Variants in UBE2R2 observed in about 807,000 individuals in gnomAD.
The protein encoded by UBE2R2 is ubiquitin-conjugating enzyme E2 R2.
In UBE2R2, 1 loss-of-function variant was observed where a neutral mutation model predicts 27.8. The observed-to-expected ratio is 0.04, with a 90% confidence interval of 0.01 to 0.17. UBE2R2 has a LOEUF of 0.17. Ranked by LOEUF, UBE2R2 falls within the 10% of genes least tolerant of loss-of-function variation. UBE2R2 has a pLI of 1.00. For missense variants in UBE2R2, 100 were observed against 291.0 expected, an observed-to-expected ratio of 0.34 and a Z score of 4.78; for synonymous variants, 106 against 113.3, an observed-to-expected ratio of 0.94 and a Z score of 0.41.
At chr9:33,881,296 A>G (rs1247963152) in intron 1 of UBE2R2, among the ~76,000 whole-genome samples, 2 of 152,198 alleles carry the variant, frequency 1.3e-5, no homozygotes, top group Admixed American at 6.5e-5. Flanking sequence ...TTTCTGCACT[A>G]ATGTATTAAT....
intron 1 of UBE2R2, among the ~76,000 whole-genome samples, chr9:33,836,571 C>G (rs920846681): frequency 6.6e-6 from 1 of 152,004 alleles, no homozygotes; most frequent in Non-Finnish European, 1.5e-5. Flanking sequence ...TCCTGGCCAA[C>G]ATGGCAAAGC....
At chr9:33,860,712 G>T (rs1821210433) in intron 1 of UBE2R2, among the ~76,000 whole-genome samples, 1 of 151,994 alleles carries the variant, frequency 6.6e-6, no homozygotes, top group South Asian at 2.1e-4. Context: ...GCCAGCCTGG[G>T]CAACATAGTG....
At chr9:33,845,484 G>A (rs1352178283) in intron 1 of UBE2R2, among the ~76,000 whole-genome samples, 2 of 151,542 alleles carry the variant, frequency 1.3e-5, no homozygotes, top group African/African-American at 2.4e-5. Context: ...TCCTGACCTC[G>A]TGATCTGCCC....
chr9:33,840,187 G>A (rs1297437854), intron 1 of UBE2R2, among the ~76,000 whole-genome samples: 2 of 151,832 alleles, frequency 1.3e-5, no homozygotes, highest in Non-Finnish European at 1.5e-5. Flanking sequence ...AAAATAAGGC[G>A]AATATCCATA....
chr9:33,918,978 T>G lies in UBE2R2; in HGVS notation c.*1741T>G, dbSNP rs945710524. On this transcript the variant is annotated 3_prime_UTR_variant, in exon 5 of 5. Coordinates refer to ENST00000263228, the MANE Select transcript of UBE2R2 (RefSeq NM_017811.4). ...TCTAAAGTTTGGTCCCAGCAGCCCT[T>G]CCCAGCCTCTAAAGTTTGGTCTGGT... is the stretch of plus-strand genomic sequence containing the variant. The G allele has an allele frequency of 6.5e-6, 1 of 152,770 alleles. No individual in the cohort carries two copies. Among genetic ancestry groups the G allele is most frequent in the African/African-American group, 2.4e-5 (1 of 41,440 alleles). The allele number at this position is 152,770 out of a possible 1,614,324, so 9.5% of individuals were successfully genotyped here.
intron 3 of UBE2R2, among the ~76,000 whole-genome samples, chr9:33,905,909 C>A (rs1822343358): frequency 6.6e-6 from 1 of 152,112 alleles, no homozygotes; most frequent in Admixed American, 6.6e-5. Context: ...TAACAGTATG[C>A]AGGATTTAGG....
intron 1 of UBE2R2, among the ~76,000 whole-genome samples, chr9:33,872,300 G>A (rs891554895): frequency 3.3e-5 from 5 of 152,028 alleles, no homozygotes; most frequent in Admixed American, 2.6e-4. Flanking sequence ...GGCTGAGGCA[G>A]GAGATTCACT....
At chr9:33,895,090 T>G (rs904494348) in intron 2 of UBE2R2, among the ~76,000 whole-genome samples, 1 of 152,248 alleles carries the variant, frequency 6.6e-6, no homozygotes, top group Non-Finnish European at 1.5e-5. Flanking sequence ...AGATATATGA[T>G]TTGCAAATGT....
intron 2 of UBE2R2, among the ~76,000 whole-genome samples, chr9:33,898,666 G>A (rs543843201): frequency 6.6e-6 from 1 of 152,278 alleles, no homozygotes; most frequent in South Asian, 2.1e-4. Context: ...GAGGTGTGAG[G>A]ATCACTTGAG....
intron 1 of UBE2R2, among the ~76,000 whole-genome samples, chr9:33,828,172 C>T (rs1296330426): frequency 2.6e-5 from 4 of 151,004 alleles, no homozygotes; most frequent in South Asian, 2.1e-4. Context: ...TGTGGTAGCA[C>T]GCGCCTATAA....
Position 33,916,485 on chromosome 9 carries a change from A to G in UBE2R2, c.498-533A>G, listed in dbSNP as rs939142161. On this transcript the variant is annotated intron_variant, in intron 4 of 4. Coordinates refer to ENST00000263228, the MANE Select transcript of UBE2R2 (RefSeq NM_017811.4). ...GGTGAGGTGACTAGGCCAAAACCCT[A>G]GCCAATCCCCTAAGCACCCCACCCC... Among the ~76,000 whole-genome samples, 8 of 152,162 alleles carry G rather than the reference A, an allele frequency of 5.3e-5. No individual in the cohort carries two copies. The South Asian group carries it at 1.7e-3, about 32-fold the overall frequency.
chr9:33,914,925 C>T (rs1457326160), intron 4 of UBE2R2, among the ~76,000 whole-genome samples: 1 of 151,804 alleles, frequency 6.6e-6, no homozygotes, highest in Non-Finnish European at 1.5e-5. Flanking sequence ...TTGCTTGAGC[C>T]CAGGAGTTTG....
intron 3 of UBE2R2, among the ~76,000 whole-genome samples, chr9:33,900,909 CTCTCTCTCTCTGTCTCTG>C (rs1822229512): frequency 6.6e-6 from 1 of 151,644 alleles, no homozygotes; most frequent in East Asian, 1.9e-4. Flanking sequence ...TGGGCAACTC[CTCTCTCTCTCTGTCTCTG>C]TCTCTCTCTC....
chr9:33,888,787 G>A (rs1821919349), intron 2 of UBE2R2, among the ~76,000 whole-genome samples: 1 of 152,212 alleles, frequency 6.6e-6, no homozygotes, highest in Admixed American at 6.5e-5. Context: ...AAAGTGCTGG[G>A]ATTACAGGGT....
At chr9:33,842,132 G>C (rs1196364223) in intron 1 of UBE2R2, among the ~76,000 whole-genome samples, 2 of 152,146 alleles carry the variant, frequency 1.3e-5, no homozygotes, top group South Asian at 2.1e-4. Context: ...GGGCAAAGTG[G>C]CTCATACTTG....
chr9:33,910,152 T>G (rs1003189506), intron 3 of UBE2R2, among the ~76,000 whole-genome samples: 4 of 152,154 alleles, frequency 2.6e-5, no homozygotes, highest in Non-Finnish European at 5.9e-5. Flanking sequence ...TTTATTTATT[T>G]ATTTATTTTT....
At chr9:33,865,103 C>T (rs932310673) in intron 1 of UBE2R2, among the ~76,000 whole-genome samples, 45 of 152,020 alleles carry the variant, frequency 3.0e-4, no homozygotes, top group Middle Eastern at 3.4e-3. Context: ...TCAAGTGATC[C>T]TCCCACCTTG....
In UBE2R2 at chr9:33,842,613, A is replaced by G. The variant is rs144332522; in HGVS notation, c.177+24679A>G. ...TGAAAATGTCTTCATACAGATTGGT[A>G]CTGCTAAATGCAGATACTAGTACAT... On this transcript the variant is annotated intron_variant, in intron 1 of 4. Transcript: ENST00000263228. 4.0e-3 allele frequency among the ~76,000 whole-genome samples: 602 copies of G among 152,268 alleles called. 5 individuals carry two copies. Among genetic ancestry groups the G allele is most frequent in the African/African-American group, 0.013 (554 of 41,550 alleles).
chr9:33,879,497 A>G (rs545310879), intron 1 of UBE2R2, among the ~76,000 whole-genome samples: 7 of 152,312 alleles, frequency 4.6e-5, no homozygotes, highest in African/African-American at 1.7e-4. Context: ...TCTGTCACCC[A>G]GGCTGGAGTG....
Sources: allele counts gnomAD v4.1 joint callset (sites outside exome capture counted in the v4.1 genomes callset), GRCh38; gene constraint gnomAD v4.1.1; transcripts MANE v1.5; gene names NCBI Gene and HGNC (gene_info 2026-07-23, HGNC 2026-07-21).